CCDC178: variants seen among roughly 807,000 people sequenced by gnomAD.
CCDC178 encodes coiled-coil domain containing 178, also known as coiled-coil domain-containing protein 178.
In CCDC178, 126 loss-of-function variants were observed where a neutral mutation model predicts 117.4. That is an observed-to-expected ratio of 1.07 (90% CI 0.93 to 1.24). The LOEUF (loss-of-function observed/expected upper bound fraction) is 1.24, where lower values mean the gene tolerates loss of function less well. Ranked by LOEUF, CCDC178 falls within the 50% of genes most tolerant of loss-of-function variation. The probability of loss-of-function intolerance (pLI) is 0.00; values close to 1 mark genes in which losing one functional copy is unlikely to be tolerated. For synonymous variants in CCDC178, 283 were observed against 313.4 expected, an observed-to-expected ratio of 0.90 and a Z score of 1.02; for missense variants, 1,030 against 986.9, an observed-to-expected ratio of 1.04 and a Z score of -0.59.
intron 15 of CCDC178, among the ~76,000 whole-genome samples, chr18:33,238,549 G>T (rs1018296876): frequency 1.3e-5 from 2 of 152,006 alleles, no homozygotes; most frequent in African/African-American, 2.4e-5. Context: ...ACTAGTACAA[G>T]AAGAAGGCAG....
At chr18:33,298,020 G>A (rs2062128126) in intron 11 of CCDC178, among the ~76,000 whole-genome samples, 1 of 146,582 alleles carries the variant, frequency 6.8e-6, no homozygotes, top group Non-Finnish European at 1.5e-5. Flanking sequence ...CAGCCTGGGC[G>A]ACTGAGCGAG....
At chr18:33,278,419 C>T (rs2059980331) in intron 12 of CCDC178, among the ~76,000 whole-genome samples, 2 of 151,318 alleles carry the variant, frequency 1.3e-5, no homozygotes, top group African/African-American at 4.9e-5. Flanking sequence ...CCTTAAATTT[C>T]CTTGATGCCC....
intron 21 of CCDC178, among the ~76,000 whole-genome samples, chr18:33,077,024 C>A (rs1490812105): frequency 2.6e-5 from 4 of 152,132 alleles, no homozygotes; most frequent in Non-Finnish European, 4.4e-5. Context: ...AAATGATCTA[C>A]CATTTCCTAT....
At chr18:33,179,081 A>ATATATATATATATATATATATATATAAAC (rs2058699566) in intron 20 of CCDC178, among the ~76,000 whole-genome samples, 1 of 62,090 alleles carries the variant, frequency 1.6e-5, no homozygotes, top group Non-Finnish European at 2.8e-5. Flanking sequence ...AAAAAAAAAT[A>ATATATATATATATATATATATATATAAAC]TATATATATA....
chr18:33,423,283 A>G (rs2064057159), intron 2 of CCDC178, among the ~76,000 whole-genome samples: 1 of 152,122 alleles, frequency 6.6e-6, no homozygotes, highest in Non-Finnish European at 1.5e-5. Flanking sequence ...ATTTCAGTAT[A>G]TTTTTACCAC....
At chr18:33,112,778 C>T (rs1250539330) in intron 20 of CCDC178, among the ~76,000 whole-genome samples, 2 of 151,784 alleles carry the variant, frequency 1.3e-5, no homozygotes, top group Non-Finnish European at 2.9e-5. Flanking sequence ...CATTTGTTTT[C>T]GTGATTATTC....
intron 22 of CCDC178, among the ~76,000 whole-genome samples, chr18:32,945,152 G>A (rs1479920568): frequency 2.6e-5 from 4 of 152,108 alleles, no homozygotes; most frequent in Admixed American, 2.6e-4. Flanking sequence ...TGGAATTGTA[G>A]GCTATATGTC....
intron 20 of CCDC178, among the ~76,000 whole-genome samples, chr18:33,192,771 G>A (rs941685435): frequency 1.3e-5 from 2 of 151,512 alleles, no homozygotes; most frequent in African/African-American, 4.8e-5. Context: ...CATGGTGGCG[G>A]GTGCCTGTAA....
intron 5 of CCDC178, among the ~76,000 whole-genome samples, chr18:33,382,579 C>T (rs1361842436): frequency 6.6e-6 from 1 of 152,172 alleles, no homozygotes; most frequent in Non-Finnish European, 1.5e-5. Flanking sequence ...CTGGGAACTG[C>T]AGTGGGTGAG....
intron 6 of CCDC178, among the ~76,000 whole-genome samples, chr18:33,356,898 C>T (rs952924959): frequency 6.6e-6 from 1 of 152,036 alleles, no homozygotes; most frequent in Non-Finnish European, 1.5e-5. Context: ...TTACTAGGTC[C>T]TTTTTAGGGA....
chr18:32,983,442 A>T (rs2055194344), intron 21 of CCDC178: 1 of 728,300 alleles, frequency 1.4e-6, no homozygotes, highest in East Asian at 2.7e-5. Context: ...CAAATAGTAC[A>T]ACTGTAGAAG....
chr18:33,275,065 G>A (rs753999089), intron 12 of CCDC178, among the ~76,000 whole-genome samples: 2 of 151,746 alleles, frequency 1.3e-5, no homozygotes, highest in Non-Finnish European at 2.9e-5. Context: ...TGCCATTAAC[G>A]GAAATCTTTG....
chr18:32,966,309 G>A (rs1265791598), intron 22 of CCDC178, among the ~76,000 whole-genome samples: 1 of 151,756 alleles, frequency 6.6e-6, no homozygotes, highest in African/African-American at 2.4e-5. Context: ...CATGCCTGCT[G>A]TCTGTTTTGT....
chr18:33,326,514 G>A (rs957429745), intron 10 of CCDC178, among the ~76,000 whole-genome samples: 3 of 152,154 alleles, frequency 2.0e-5, no homozygotes, highest in Non-Finnish European at 4.4e-5. Flanking sequence ...GAGGGGCTGA[G>A]TGTCCTTGGA....
At chr18:33,017,986 G>C (rs1338911277) in intron 21 of CCDC178, among the ~76,000 whole-genome samples, 2 of 151,984 alleles carry the variant, frequency 1.3e-5, no homozygotes, top group Non-Finnish European at 1.5e-5. Context: ...CATTAAGAAA[G>C]TGAAAATATA....
chr18:33,291,895 C>T (rs1453706384), intron 12 of CCDC178, among the ~76,000 whole-genome samples: 1 of 151,574 alleles, frequency 6.6e-6, no homozygotes, highest in African/African-American at 2.4e-5. Context: ...TGGGTACTAT[C>T]AAAAAGACAA....
At chr18:33,045,104 T>C (rs1422671001) in intron 21 of CCDC178, among the ~76,000 whole-genome samples, 1 of 152,148 alleles carries the variant, frequency 6.6e-6, no homozygotes, top group African/African-American at 2.4e-5. Context: ...GAATTCACCA[T>C]GGTGCATGTA....
At chr18:33,066,018 C>A (rs930250638) in intron 21 of CCDC178, among the ~76,000 whole-genome samples, 2 of 151,838 alleles carry the variant, frequency 1.3e-5, no homozygotes, top group South Asian at 2.1e-4. Context: ...CCTGCCATCA[C>A]GCCTGGCTAA....
At position 33,323,514 on chromosome 18, in the gene CCDC178, A is replaced by T. The variant is rs2062543584; in HGVS notation, c.999T>A (p.Asp333Glu). 2.0e-6 allele frequency: 3 copies of T among 1,525,906 alleles called. No homozygotes were observed. The highest frequency in any genetic ancestry group is 1.4e-5 in the South Asian group (1 of 73,650). 94.5% of individuals were successfully genotyped at this position (1,525,906 alleles called of 1,614,324 possible). Residue 333 changes from aspartate (D) to glutamate (E), a missense_variant, in exon 11 of 23, where the codon GAT (aspartate) becomes GAA (glutamate). Asp to Glu is a conservative substitution (Grantham distance 45, BLOSUM62 2). Coordinates refer to ENST00000383096, the MANE Select transcript of CCDC178 (RefSeq NM_001105528.4). ...KEEIDKDIYQ[D>E]EKTIEAYKRE... ...ACTTGTAGGCCTCTATGGTTTTTTCATCCTGGTAAATATCCTTATCAATCT... is the reference window on the plus strand; with the variant it reads ...ACTTGTAGGCCTCTATGGTTTTTTCTTCCTGGTAAATATCCTTATCAATCT...
Sources: gnomAD v4.1 joint callset for allele counts (sites outside exome capture counted in the v4.1 genomes callset) on GRCh38, gnomAD v4.1.1 for gene constraint, MANE v1.5 for transcripts, NCBI Gene and HGNC (gene_info 2026-07-23, HGNC 2026-07-21) for gene names.